Variants in CD8B2 observed in about 807,000 individuals in gnomAD.
CD8B2 encodes CD8B family member 2.
Under a neutral mutation model 23.7 loss-of-function variants are expected in CD8B2, and 11 were observed. The observed-to-expected ratio is 0.46, with a 90% CI of 0.29 to 0.77. The LOEUF (loss-of-function observed/expected upper bound fraction) is 0.77, where lower values mean the gene tolerates loss of function less well. Ranked by LOEUF, CD8B2 falls within the 30% of genes least tolerant of loss-of-function variation. The probability of loss-of-function intolerance (pLI) is 0.09; values close to 1 mark genes in which losing one functional copy is unlikely to be tolerated. For synonymous variants in CD8B2, 90 were observed against 109.3 expected, an observed-to-expected ratio of 0.82 and a Z score of 1.10; for missense variants, 197 against 270.5, an observed-to-expected ratio of 0.73 and a Z score of 1.91.
At chr2:106,521,364 G>A (rs529564389) in intron 5 of CD8B2, among the ~76,000 whole-genome samples, 6 of 152,290 alleles carry the variant, frequency 3.9e-5, no homozygotes, top group African/African-American at 1.4e-4. Context: ...TTTTCCTAAT[G>A]GCACGGCTGC....
At chr2:106,529,861 A>T (rs901832127) in intron 5 of CD8B2, among the ~76,000 whole-genome samples, 2 of 152,220 alleles carry the variant, frequency 1.3e-5, no homozygotes, top group Non-Finnish European at 2.9e-5. Flanking sequence ...AGCAGCGATG[A>T]GGTTTCCTGG....
At chr2:106,532,304 T>A (rs563802549) in intron 5 of CD8B2, among the ~76,000 whole-genome samples, 1 of 152,324 alleles carries the variant, frequency 6.6e-6, no homozygotes, top group Admixed American at 6.5e-5. Flanking sequence ...AATTGTCCAG[T>A]TCTGTAAACT....
chr2:106,497,736 G>C (rs963213928), intron 3 of CD8B2, among the ~76,000 whole-genome samples: 1 of 152,166 alleles, frequency 6.6e-6, no homozygotes, highest in Non-Finnish European at 1.5e-5. Flanking sequence ...GTACAGAAGA[G>C]TAAAGTCTTA....
intron 5 of CD8B2, among the ~76,000 whole-genome samples, chr2:106,535,698 G>A (rs1680077162): frequency 6.6e-6 from 1 of 152,146 alleles, no homozygotes; most frequent in South Asian, 2.1e-4. Flanking sequence ...ATTTTTCCAT[G>A]TTGTTATTTG....
chr2:106,489,573 T>C (rs1679152623), intron 1 of CD8B2, among the ~76,000 whole-genome samples: 1 of 152,126 alleles, frequency 6.6e-6, no homozygotes, highest in Non-Finnish European at 1.5e-5. Flanking sequence ...CTGCAATGTC[T>C]CCCTTTGCTC....
chr2:106,531,492 C>T (rs1661627785), intron 5 of CD8B2, among the ~76,000 whole-genome samples: 1 of 152,208 alleles, frequency 6.6e-6, no homozygotes, highest in Non-Finnish European at 1.5e-5. Context: ...TGTCCTGGAA[C>T]CTACTATTTC....
Position 106,507,166 on chromosome 2 carries a change from C to A in CD8B2, c.*226C>A. The A allele has an allele frequency of 7.2e-7, 1 of 1,390,864 alleles. No homozygotes were observed. The highest frequency in any genetic ancestry group is 9.4e-7 in the Non-Finnish European group (1 of 1,068,790). 86.2% of individuals were successfully genotyped at this position (1,390,864 alleles called of 1,614,324 possible). ...GGAGAAGGTTTCATTGCCCCCAGGG[C>A]ACTTCACAGAGTGTGCTGGAGGACT... On this transcript the variant is annotated 3_prime_UTR_variant, in exon 6 of 6. Coordinates refer to ENST00000643224, the MANE Select transcript of CD8B2 (RefSeq NM_001349727.2).
At chr2:106,535,185 C>G (rs1342457768) in intron 5 of CD8B2, 1 of 152,156 alleles carries the variant, frequency 6.6e-6, no homozygotes, top group East Asian at 1.9e-4. Flanking sequence ...TGGCTTCCTC[C>G]CTCTCTTCCT....
At chr2:106,494,366 T>C (rs1023616510) in intron 2 of CD8B2, among the ~76,000 whole-genome samples, 5 of 152,166 alleles carry the variant, frequency 3.3e-5, no homozygotes, top group African/African-American at 1.2e-4. Flanking sequence ...CAGGCTGGTC[T>C]TGGATTCCTG....
chr2:106,492,374 C>G (rs552343644), intron 2 of CD8B2, among the ~76,000 whole-genome samples: 1 of 152,152 alleles, frequency 6.6e-6, no homozygotes, highest in East Asian at 1.9e-4. Flanking sequence ...ATATTTAACT[C>G]AATTTATTAA....
chr2:106,497,411 C>T (rs1383904832), intron 3 of CD8B2, among the ~76,000 whole-genome samples: 4 of 152,208 alleles, frequency 2.6e-5, no homozygotes, highest in African/African-American at 9.7e-5. Flanking sequence ...AGTGTACGCA[C>T]ATACACACAC....
chr2:106,503,456 C>T (rs1254278927), intron 4 of CD8B2, among the ~76,000 whole-genome samples: 2 of 152,116 alleles, frequency 1.3e-5, no homozygotes, highest in Non-Finnish European at 2.9e-5. Flanking sequence ...TCTAAGAAAC[C>T]CATAAATCTC....
chr2:106,511,500 C>T (rs995612594), downstream of CD8B2, among the ~76,000 whole-genome samples: 18 of 150,798 alleles, frequency 1.2e-4, no homozygotes, highest in Admixed American at 2.6e-4. Context: ...GAGCCCACCC[C>T]GGCCTGTTCA....
At chr2:106,492,522 C>T (rs188013382) in intron 2 of CD8B2, among the ~76,000 whole-genome samples, 2,052 of 151,874 alleles carry the variant, frequency 0.014, 16 homozygotes, top group Non-Finnish European at 0.016. Flanking sequence ...CCACATTTCA[C>T]GTGCTCAGCA....
At chr2:106,541,810 A>T (rs1283185300) in intron 5 of CD8B2, among the ~76,000 whole-genome samples, 2 of 152,226 alleles carry the variant, frequency 1.3e-5, no homozygotes, top group Non-Finnish European at 2.9e-5. Context: ...TCACTGGAAT[A>T]GAGAACCTAC....
At chr2:106,523,077 C>G (rs754390762) in intron 5 of CD8B2, among the ~76,000 whole-genome samples, 16 of 152,134 alleles carry the variant, frequency 1.1e-4, no homozygotes, top group Non-Finnish European at 2.1e-4. Flanking sequence ...TGAACTCAAA[C>G]CCAACTGGCA....
intron 4 of CD8B2, among the ~76,000 whole-genome samples, chr2:106,503,339 C>T (rs558794623): frequency 6.6e-6 from 1 of 152,024 alleles, no homozygotes; most frequent in Non-Finnish European, 1.5e-5. Context: ...AGGTCACAGA[C>T]CCCTTTGAAC....
chr2:106,523,818 A>G (rs1044232724), intron 5 of CD8B2, among the ~76,000 whole-genome samples: 4 of 152,180 alleles, frequency 2.6e-5, no homozygotes, highest in South Asian at 4.1e-4. Flanking sequence ...GCAAGGGGGA[A>G]GGAATGAGGA....
chr2:106,530,200 A>T (rs1262031580), intron 5 of CD8B2, among the ~76,000 whole-genome samples: 3 of 152,240 alleles, frequency 2.0e-5, no homozygotes, highest in Non-Finnish European at 4.4e-5. Context: ...TGAAGGACGG[A>T]TCCCAGAACT....
Sources: allele counts gnomAD v4.1 joint callset (sites outside exome capture counted in the v4.1 genomes callset), GRCh38; gene constraint gnomAD v4.1.1; transcripts MANE v1.5; gene names NCBI Gene and HGNC (gene_info 2026-07-23, HGNC 2026-07-21).